Variants in GOLM2 observed in about 807,000 individuals in gnomAD.
GOLM2 encodes the protein golgi membrane protein 2.
Under a neutral mutation model 55.9 loss-of-function variants are expected in GOLM2, and 26 were observed. That is an observed-to-expected ratio of 0.47 (90% CI 0.34 to 0.65). The LOEUF is 0.65. GOLM2 is among the 30% of genes least tolerant of loss of function. The pLI, the probability that GOLM2 is intolerant of heterozygous loss-of-function variation, is 0.01. For synonymous variants in GOLM2, 165 were observed against 194.6 expected (o/e 0.85, Z 1.27); for missense variants, 486 against 531.8 (o/e 0.91, Z 0.85).
chr15:44,378,032 A>ATTATTTAT lies in GOLM2; in HGVS notation c.803-1635_803-1628dup, dbSNP rs534507298. ...AGAAGTATATATATATATTTTTTAAATTATTTATTTATTTATTTATTTATT... is the reference window on the plus strand; with the variant it reads ...AGAAGTATATATATATATTTTTTAAATTATTTATTTATTTATTTATTTATTTATTTATT... On this transcript the variant is annotated intron_variant, in intron 6 of 9. Coordinates refer to ENST00000299957, the MANE Select transcript of GOLM2 (RefSeq NM_138423.4). Among the ~76,000 whole-genome samples the ATTATTTAT allele has an allele frequency of 9.3e-3, 1,379 of 148,822 alleles. 32 individuals are homozygous for ATTATTTAT. Among genetic ancestry groups the ATTATTTAT allele is most frequent in the East Asian group, 0.078 (397 of 5,098 alleles).
chr15:44,401,116 T>C (rs1358848702), intron 8 of GOLM2, among the ~76,000 whole-genome samples: 1 of 152,188 alleles, frequency 6.6e-6, no homozygotes, highest in Non-Finnish European at 1.5e-5. Flanking sequence ...TTTATTTATC[T>C]ATGTATTTAT....
At chr15:44,398,656 C>A (rs960874019) in intron 8 of GOLM2, among the ~76,000 whole-genome samples, 3 of 141,124 alleles carry the variant, frequency 2.1e-5, no homozygotes, top group Non-Finnish European at 3.0e-5. Context: ...AATATAGGAG[C>A]CTTTTTTTTT....
chr15:44,379,220 T>C (rs1050841277), intron 6 of GOLM2, among the ~76,000 whole-genome samples: 1 of 152,100 alleles, frequency 6.6e-6, no homozygotes, highest in Admixed American at 6.5e-5. Flanking sequence ...CTCACACCTA[T>C]AATCCCAGCA....
chr15:44,367,522 G>T (rs571338144), intron 6 of GOLM2, among the ~76,000 whole-genome samples: 2 of 152,074 alleles, frequency 1.3e-5, no homozygotes, highest in South Asian at 4.2e-4. Context: ...CCGGCGGGGC[G>T]CAGTGGCTCA....
intron 1 of GOLM2, among the ~76,000 whole-genome samples, chr15:44,298,592 A>G (rs1207498992): frequency 6.6e-6 from 1 of 152,030 alleles, no homozygotes; most frequent in African/African-American, 2.4e-5. Context: ...TTCCTTCTTT[A>G]TACACCATTT....
chr15:44,289,322 G>A lies in GOLM2; in HGVS notation c.293G>A (p.Arg98Lys), dbSNP rs747082945. 1.2e-6 allele frequency: 2 copies of A among 1,613,484 alleles called. No individual in the cohort carries two copies. The highest frequency in any genetic ancestry group is 1.7e-6 in the Non-Finnish European group (2 of 1,179,802). ...YGRLSSRLQA[R>K]EGLGKRCEDD... ...CGCCTCAGCAGCCGGCTGCAGGCCAGAGAGGGCCTCGGGAAGAGATGCGAG... is the reference window on the plus strand; with the variant it reads ...CGCCTCAGCAGCCGGCTGCAGGCCAAAGAGGGCCTCGGGAAGAGATGCGAG... Residue 98 changes from arginine to lysine, a missense_variant, in exon 1 of 10, where the codon AGA becomes AAA. Arg to Lys is a conservative substitution (Grantham distance 26). Transcript: ENST00000299957. The surrounding 1 kb of genome is among the most constrained non-coding windows in gnomAD (Gnocchi z 4.8).
At chr15:44,367,798 A>G (rs2079296186) in intron 6 of GOLM2, among the ~76,000 whole-genome samples, 1 of 152,024 alleles carries the variant, frequency 6.6e-6, no homozygotes, top group African/African-American at 2.4e-5. Context: ...TCAAAAAAAA[A>G]AAAAAAAGAT....
rs1459601448 is a variant in GOLM2 at position 44,414,372 on chromosome 15, A to G, written c.*966A>G. ...GGAAATTGAGATAACCTGCAAAGACATAACAGTATTTATGAGTTATATCTT... is the reference window on the plus strand; with the variant it reads ...GGAAATTGAGATAACCTGCAAAGACGTAACAGTATTTATGAGTTATATCTT... On this transcript the variant is annotated 3_prime_UTR_variant, in exon 10 of 10. Coordinates refer to ENST00000299957, the MANE Select transcript of GOLM2 (RefSeq NM_138423.4). 1 of 152,258 alleles carries G rather than the reference A, an allele frequency of 6.6e-6. No homozygotes were observed. The highest frequency in any genetic ancestry group is 2.4e-5 in the African/African-American group (1 of 41,470). 9.4% of individuals were successfully genotyped at this position (152,258 alleles called of 1,614,324 possible).
rs529457824 is a variant in GOLM2, at chr15:44,401,170, G to A, written c.1073-1717G>A. On this transcript the variant is annotated intron_variant, in intron 8 of 9. Transcript: ENST00000299957. Reference sequence around the variant, plus strand: ...GCTGTTGCGTAGGCTGGGGTGCAGTGGCACAATCTTAGCTCACTATAACCT... The same window carrying A: ...GCTGTTGCGTAGGCTGGGGTGCAGTAGCACAATCTTAGCTCACTATAACCT... 6.6e-5 allele frequency among the ~76,000 whole-genome samples: 10 copies of A among 152,172 alleles called. No individual in the cohort carries two copies. The South Asian group carries it at 8.3e-4, about 13-fold the overall frequency.
At chr15:44,315,561 A>G (rs1425776514) in intron 1 of GOLM2, among the ~76,000 whole-genome samples, 1 of 152,162 alleles carries the variant, frequency 6.6e-6, no homozygotes, top group Middle Eastern at 3.2e-3. Flanking sequence ...AGATTAAGGG[A>G]AAATAAATGA....
chr15:44,338,685 T>A (rs1333467625), intron 6 of GOLM2, among the ~76,000 whole-genome samples: 1 of 152,218 alleles, frequency 6.6e-6, no homozygotes, highest in Non-Finnish European at 1.5e-5. Context: ...GTTGGTGTGC[T>A]TTAATATGGC....
chr15:44,359,913 A>T (rs2079225284), intron 6 of GOLM2, among the ~76,000 whole-genome samples: 2 of 152,308 alleles, frequency 1.3e-5, no homozygotes, highest in African/African-American at 4.8e-5. Context: ...TTCTTAAAGA[A>T]AAGAATTTTC....
At chr15:44,385,600 G>A (rs902720400) in intron 8 of GOLM2, among the ~76,000 whole-genome samples, 3 of 152,114 alleles carry the variant, frequency 2.0e-5, no homozygotes, top group Non-Finnish European at 4.4e-5. Context: ...AGGCCAGAGT[G>A]CAGTGGCACA....
chr15:44,387,235 G>A (rs1595662407), intron 8 of GOLM2: 1 of 150,976 alleles, frequency 6.6e-6, no homozygotes, highest in South Asian at 2.1e-4. Flanking sequence ...GATCACTTTG[G>A]AGAGCACTGC....
At chr15:44,320,601 G>A (rs566635272) in intron 1 of GOLM2, among the ~76,000 whole-genome samples, 40 of 152,226 alleles carry the variant, frequency 2.6e-4, no homozygotes, top group South Asian at 1.0e-3. Context: ...CACTGTGTCC[G>A]ACCTAGCTGT....
At chr15:44,292,643 GCACT>G (rs2078729306) in intron 1 of GOLM2, among the ~76,000 whole-genome samples, 1 of 152,090 alleles carries the variant, frequency 6.6e-6, no homozygotes, top group African/African-American at 2.4e-5. Flanking sequence ...GTGTGCCACA[GCACT>G]TGGTGTGCCA....
At chr15:44,296,420 C>T (rs1170653252) in intron 1 of GOLM2, among the ~76,000 whole-genome samples, 1 of 152,112 alleles carries the variant, frequency 6.6e-6, no homozygotes, top group Non-Finnish European at 1.5e-5. Context: ...CCTTTTTTCC[C>T]TTTAACAACC....
chr15:44,402,770 A>G (rs1483755614), intron 8 of GOLM2, 117 bp from the exon 9 acceptor site: 5 of 842,608 alleles, frequency 5.9e-6, no homozygotes, highest in Non-Finnish European at 9.3e-6. Flanking sequence ...ATCCTTTTAT[A>G]TCCAGTACCC....
At chr15:44,348,133 C>T (rs2079137518) in intron 6 of GOLM2, among the ~76,000 whole-genome samples, 1 of 152,150 alleles carries the variant, frequency 6.6e-6, no homozygotes, top group African/African-American at 2.4e-5. Flanking sequence ...GCAGTAGCGA[C>T]TGCAAGTAAA....
Sources: gnomAD v4.1 joint callset for allele counts (sites outside exome capture counted in the v4.1 genomes callset) on GRCh38, gnomAD v4.1.1 for gene constraint, Gnocchi (gnomAD v3.1) non-coding constraint, MANE v1.5 for transcripts, NCBI Gene and HGNC (gene_info 2026-07-23, HGNC 2026-07-21) for gene names.